RFX1: variants seen among roughly 807,000 people sequenced by gnomAD.
RFX1 encodes regulatory factor X1, also known as MHC class II regulatory factor RFX1.
Under a neutral mutation model 119.6 loss-of-function variants are expected in RFX1, and 42 were observed. That is an observed-to-expected ratio of 0.35 (90% CI 0.27 to 0.45). RFX1 has a LOEUF of 0.45. Ranked by LOEUF, RFX1 falls within the 20% of genes least tolerant of loss-of-function variation. The probability of loss-of-function intolerance (pLI) is 1.00; values close to 1 mark genes in which losing one functional copy is unlikely to be tolerated. For missense variants in RFX1, 1,118 were observed against 1,368.1 expected, an observed-to-expected ratio of 0.82 and a Z score of 2.88; for synonymous variants, 628 against 618.5, an observed-to-expected ratio of 1.02 and a Z score of -0.23.
At chr19:13,993,940 A>G (rs1974901689) in intron 1 of RFX1, 45 bp from the exon 2 acceptor site, 4 of 1,073,834 alleles carry the variant, frequency 3.7e-6, no homozygotes, top group Non-Finnish European at 5.3e-6. Flanking sequence ...ACAAAACAAA[A>G]CAAAAGAAGG....
At position 13,963,665 on chromosome 19, in the gene RFX1, G is replaced by T; in HGVS notation, c.2443C>A (p.Gln815Lys). The change falls in exon 18 of 21, where the codon CAG becomes AAG. Residue 815 changes from glutamine (Q) to lysine (K), a missense_variant. Physicochemically the swap from Gln to Lys is moderately conservative, Grantham distance 53 (BLOSUM62 1). This residue lies in a region of RFX1 where 68 missense variants were observed against 67.2 expected (regional missense o/e 1.01). Coordinates refer to ENST00000254325, the MANE Select transcript of RFX1 (RefSeq NM_002918.5). The stretch of plus-strand genomic sequence containing the variant: ...GCCGCCCACTGCTCCAGCGAGTTCT[G>T]CTGCTGCAGCGTCACCTTGAAGTCC... ...EQDFKVTLQQ[Q>K]NSLEQWAAWL... 1 of 1,603,490 alleles carries T rather than the reference G, an allele frequency of 6.2e-7. No homozygotes were observed.
At chr19:13,979,635 A>C (rs927813800) in intron 6 of RFX1, 93 bp from the exon 7 acceptor site, 4 of 781,480 alleles carry the variant, frequency 5.1e-6, no homozygotes, top group Admixed American at 2.7e-5. Flanking sequence ...TAAAGCTCAC[A>C]GCAGACCCAT....
rs762287037 is a variant in RFX1 at position 13,968,789 on chromosome 19, G to A, written c.1602C>T (p.Phe534=). 44 of 1,588,276 alleles carry A rather than the reference G, an allele frequency of 2.8e-5. No individual in the cohort carries two copies. The East Asian group carries it at 7.6e-4, about 27-fold the overall frequency. Reference sequence around the variant, plus strand: ...TGCCTTCCTACCTCTGCTTCTGCGAGAAGGGCTGGCCCCGCATGGCCATGT... The same window carrying A: ...TGCCTTCCTACCTCTGCTTCTGCGAAAAGGGCTGGCCCCGCATGGCCATGT... ...QQHMAMRGQP[F]SQKQRLKPIQ... The change falls in exon 11 of 21, where the codon TTC becomes TTT. Residue 534 remains phenylalanine, a synonymous_variant. Transcript: ENST00000254325. The surrounding 1 kb of genome is among the most constrained non-coding windows in gnomAD (Gnocchi z 5.5).
In RFX1 at chr19:13,972,806, G is replaced by A. The variant is rs771628987; in HGVS notation, c.1251C>T (p.Gly417=). ...GSGAGTYVIQ[G]GYMLGSASQS... ...GGCTGGCACTGCCCAGCATGTAGCC[G>A]CCTTGGATCACGTAGGTGCCTGCTC... The change falls in exon 9 of 21, where the codon GGC becomes GGT. Residue 417 remains glycine (G), a synonymous_variant. Transcript: ENST00000254325. 1.6e-5 allele frequency: 25 copies of A among 1,607,740 alleles called. No individual in the cohort carries two copies. Among genetic ancestry groups the A allele is most frequent in the Middle Eastern group, 1.8e-4 (1 of 5,678 alleles).
rs760257487 is a variant in RFX1, at chr19:13,963,606, C to T, written c.2502G>A (p.Lys834=). 27 of 1,603,836 alleles carry T rather than the reference C, an allele frequency of 1.7e-5. No individual in the cohort carries two copies. Among genetic ancestry groups the T allele is most frequent in the East Asian group, 6.7e-5 (3 of 44,754 alleles). Residue 834 remains lysine (K), a synonymous_variant, in exon 18 of 21, where the codon AAG becomes AAA. Transcript: ENST00000254325. The part of the protein sequence containing the change: ...WLDGVVSQVL[K]PYQGSAGFPK... ...GGAAGCCGGCGCTGCCCTGGTAGGGCTTGAGCACCTGGCTCACCACGCCGT... is the reference window on the plus strand; with the variant it reads ...GGAAGCCGGCGCTGCCCTGGTAGGGTTTGAGCACCTGGCTCACCACGCCGT...
At chr19:13,987,462 G>A (rs1011838897) in intron 2 of RFX1, among the ~76,000 whole-genome samples, 11 of 152,042 alleles carry the variant, frequency 7.2e-5, no homozygotes, top group Non-Finnish European at 1.2e-4. Context: ...CCACCTCCCT[G>A]GGTCCCTGGT....
In RFX1 at chr19:13,968,733, T is replaced by C. The variant is rs752352682; in HGVS notation, c.1616+42A>G. ...CTGCTGGGGGCCGGCCTGTGTGCCCTTCCCCGCCTGCCCTGCCCTGGGTCC... is the reference window on the plus strand; with the variant it reads ...CTGCTGGGGGCCGGCCTGTGTGCCCCTCCCCGCCTGCCCTGCCCTGGGTCC... On this transcript the variant is annotated intron_variant, in intron 11 of 20. Coordinates refer to ENST00000254325, the MANE Select transcript of RFX1 (RefSeq NM_002918.5). This position sits in a 1 kb window ranked among gnomAD's most constrained non-coding sequence, Gnocchi z 5.5. The C allele has an allele frequency of 2.7e-5, 44 of 1,608,036 alleles. No homozygotes were observed. The highest frequency in any genetic ancestry group is 1.6e-4 in the Middle Eastern group (1 of 6,074).
intron 2 of RFX1, among the ~76,000 whole-genome samples, chr19:13,992,031 A>T (rs921495982): frequency 3.3e-5 from 5 of 151,904 alleles, no homozygotes; most frequent in Non-Finnish European, 5.9e-5. Flanking sequence ...CACCCCTTCC[A>T]CAGCCCCTCA....
chr19:13,965,588 A>T lies in RFX1; in HGVS notation c.2113+38T>A, dbSNP rs746801527. ...GGGTCGGTCAGGGCAGGGCGGGTGT[A>T]TGTGGGGCAGGGGATGCCGAGCAGG... On this transcript the variant is annotated intron_variant, in intron 15 of 20. Coordinates refer to ENST00000254325, the MANE Select transcript of RFX1 (RefSeq NM_002918.5). The surrounding 1 kb of genome is among the most constrained non-coding windows in gnomAD (Gnocchi z 4.7). 3.7e-6 allele frequency: 6 copies of T among 1,612,104 alleles called. No homozygotes were observed. The highest frequency in any genetic ancestry group is 5.1e-6 in the Non-Finnish European group (6 of 1,179,292).
In RFX1 at chr19:13,966,762, G is replaced by T; in HGVS notation, c.1733-11C>A. On this transcript the variant is annotated splice_polypyrimidine_tract_variant and intron_variant, in intron 12 of 20. Coordinates refer to ENST00000254325, the MANE Select transcript of RFX1 (RefSeq NM_002918.5). The surrounding 1 kb of genome is among the most constrained non-coding windows in gnomAD (Gnocchi z 6.3). The stretch of plus-strand genomic sequence containing the variant: ...GGCTCCGAGAGGCATCTAGGGGGCC[G>T]GGGGGAACCGTGAGGCCCTTCATCC... The T allele has an allele frequency of 6.4e-7, 1 of 1,557,308 alleles. No individual in the cohort carries two copies. Among genetic ancestry groups the T allele is most frequent in the South Asian group, 1.1e-5 (1 of 87,930 alleles).
chr19:13,987,542 C>T (rs969986403), intron 2 of RFX1, among the ~76,000 whole-genome samples: 1 of 152,124 alleles, frequency 6.6e-6, no homozygotes, highest in South Asian at 2.1e-4. Flanking sequence ...GTGTCAGTTA[C>T]TCCTGCTTCC....
chr19:13,982,467 AGTT>A (rs1400955664), intron 4 of RFX1, among the ~76,000 whole-genome samples: 1 of 152,168 alleles, frequency 6.6e-6, no homozygotes, highest in African/African-American at 2.4e-5. Context: ...GCAGAGCCGG[AGTT>A]GTTGTCAGGC....
Position 13,965,917 on chromosome 19 carries a change from C to T in RFX1, c.1962-140G>A. Reference sequence around the variant, plus strand: ...GTTCTACCCCCAGCATCAGAAGGCACAGGTACCCCCTTACCCCCACTCCAG... The same window carrying T: ...GTTCTACCCCCAGCATCAGAAGGCATAGGTACCCCCTTACCCCCACTCCAG... On this transcript the variant is annotated intron_variant, in intron 14 of 20. Coordinates refer to ENST00000254325, the MANE Select transcript of RFX1 (RefSeq NM_002918.5). This position sits in a 1 kb window ranked among gnomAD's most constrained non-coding sequence, Gnocchi z 4.7. The T allele has an allele frequency of 9.9e-7, 1 of 1,009,036 alleles. No homozygotes were observed. The highest frequency in any genetic ancestry group is 1.4e-6 in the Non-Finnish European group (1 of 693,216). 62.5% of individuals were successfully genotyped at this position (1,009,036 alleles called of 1,614,324 possible). A position where few individuals can be genotyped will look rare whatever the true frequency, so the allele number is the denominator to read the frequency against.
At chr19:14,000,949 T>C (rs1180169611) in intron 1 of RFX1, among the ~76,000 whole-genome samples, 1 of 152,070 alleles carries the variant, frequency 6.6e-6, no homozygotes, top group African/African-American at 2.4e-5. Flanking sequence ...ATTTTAAAAA[T>C]TAGGTGGGCG....
Position 13,969,742 on chromosome 19 carries a change from A to C in RFX1, c.1496+252T>G. On this transcript the variant is annotated intron_variant, in intron 10 of 20. Coordinates refer to ENST00000254325, the MANE Select transcript of RFX1 (RefSeq NM_002918.5). This position sits in a 1 kb window ranked among gnomAD's most constrained non-coding sequence, Gnocchi z 4.5. ...AGGGTTGGGGGGTGTCGGGCAGGGG[A>C]GAGGGGGAGGCTGCAGTTTTAGTTG... is the stretch of plus-strand genomic sequence containing the variant. The C allele has an allele frequency of 2.4e-5, 10 of 412,150 alleles. No individual in the cohort carries two copies. The highest frequency in any genetic ancestry group is 7.5e-5 in the East Asian group (2 of 26,558). 25.5% of individuals were successfully genotyped at this position (412,150 alleles called of 1,614,324 possible). A position where few individuals can be genotyped will look rare whatever the true frequency, so the allele number is the denominator to read the frequency against.
At chr19:13,977,792 A>G (rs563014736) in intron 8 of RFX1, among the ~76,000 whole-genome samples, 200 bp downstream of exon 8, 42 of 146,676 alleles carry the variant, frequency 2.9e-4, no homozygotes, top group Admixed American at 6.9e-4. Flanking sequence ...TGCCTTTCCC[A>G]ACCTTCAAGG....
chr19:13,983,399 G>A, intron 3 of RFX1, 87 bp downstream of exon 3: 1 of 1,245,682 alleles, frequency 8.0e-7, no homozygotes, highest in Non-Finnish European at 1.1e-6. Context: ...GCAGGAAGCG[G>A]GGAGGGGAGG....
chr19:13,970,024 A>T lies in RFX1; in HGVS notation c.1466T>A (p.Met489Lys). The T allele has an allele frequency of 6.2e-7, 1 of 1,613,598 alleles. No homozygotes were observed. The highest frequency in any genetic ancestry group is 8.5e-7 in the Non-Finnish European group (1 of 1,179,778). Residue 489 changes from methionine to lysine, a missense_variant, in exon 10 of 21, where the codon ATG becomes AAG. Met to Lys is a moderately conservative substitution (Grantham distance 95). This residue lies in a region of RFX1 where 338 missense variants were observed against 508.9 expected (regional missense o/e 0.66). Coordinates refer to ENST00000254325, the MANE Select transcript of RFX1 (RefSeq NM_002918.5). ...SFGKLIRSVF[M>K]GLRTRRLGTR... is the part of the protein sequence containing the mutation. ...GCCCAGACGGCGGGTTCGCAGGCCCATGAAGACGGAGCGGATGAGCTTGCC... is the reference window on the plus strand; with the variant it reads ...GCCCAGACGGCGGGTTCGCAGGCCCTTGAAGACGGAGCGGATGAGCTTGCC...
Position 13,978,011 on chromosome 19 carries a change from T to C in RFX1, c.910A>G (p.Ser304Gly). 8 of 1,613,274 alleles carry C rather than the reference T, an allele frequency of 5.0e-6. No individual in the cohort carries two copies. The highest frequency in any genetic ancestry group is 6.8e-6 in the Non-Finnish European group (8 of 1,179,558). ...ACTTACATGGCACTGGCCGTGTAGC[T>C]GGCATCGCCGCCCTCCACATACTGC... The part of the protein sequence containing the change: ...QVQYVEGGDA[S>G]YTASAIRSST... The change falls in exon 8 of 21, where the codon AGC becomes GGC. Residue 304 changes from serine to glycine, a missense_variant. Transcript: ENST00000254325.
Sources: allele counts gnomAD v4.1 joint callset (sites outside exome capture counted in the v4.1 genomes callset), GRCh38; gene constraint gnomAD v4.1.1; regional missense constraint gnomAD v4.1.1; non-coding constraint Gnocchi (gnomAD v3.1); transcripts MANE v1.5; gene names NCBI Gene and HGNC (gene_info 2026-07-23, HGNC 2026-07-21).